LAMA2: variants seen among roughly 807,000 people sequenced by gnomAD.
LAMA2 encodes the protein laminin subunit alpha-2.
Under a neutral mutation model 364.8 loss-of-function variants are expected in LAMA2, and 269 were observed. The observed-to-expected ratio is 0.74, with a 90% CI of 0.67 to 0.82. The LOEUF (loss-of-function observed/expected upper bound fraction) is 0.82, where lower values mean the gene tolerates loss of function less well. LAMA2 is among the 40% of genes least tolerant of loss of function. The pLI is 0.00. For missense variants in LAMA2, 3,807 were observed against 3,873.2 expected, an observed-to-expected ratio of 0.98 and a Z score of 0.45; for synonymous variants, 1,379 against 1,370.6, an observed-to-expected ratio of 1.01 and a Z score of -0.14.
chr6:129,511,514 CAA>C (rs1344662581), intron 62 of LAMA2, among the ~76,000 whole-genome samples: 2 of 152,240 alleles, frequency 1.3e-5, no homozygotes, highest in Admixed American at 6.5e-5. Flanking sequence ...CTCAGTAGAA[CAA>C]AAGTCTTTCA....
At chr6:129,034,854 C>T (rs1162189764) in intron 1 of LAMA2, among the ~76,000 whole-genome samples, 2 of 152,076 alleles carry the variant, frequency 1.3e-5, no homozygotes, top group African/African-American at 2.4e-5. Context: ...TATACCACAC[C>T]ACATTTTCTT....
chr6:129,255,160 C>A (rs945504642), intron 14 of LAMA2, among the ~76,000 whole-genome samples: 1 of 151,836 alleles, frequency 6.6e-6, no homozygotes, highest in Non-Finnish European at 1.5e-5. Context: ...GTAATCCCAG[C>A]AATTTGGGAG....
At chr6:129,120,731 T>C (rs918150609) in intron 4 of LAMA2, among the ~76,000 whole-genome samples, 4 of 152,238 alleles carry the variant, frequency 2.6e-5, no homozygotes, top group African/African-American at 7.2e-5. Context: ...TACATGTCTC[T>C]TCACATTGGG....
chr6:129,248,453 G>A (rs978080267), intron 12 of LAMA2, among the ~76,000 whole-genome samples: 4 of 152,092 alleles, frequency 2.6e-5, no homozygotes, highest in African/African-American at 7.2e-5. Context: ...TTGACAAAAT[G>A]GAAAATTATC....
chr6:129,119,236 G>A (rs1776659780), intron 4 of LAMA2, among the ~76,000 whole-genome samples: 1 of 152,084 alleles, frequency 6.6e-6, no homozygotes, highest in African/African-American at 2.4e-5. Context: ...ATTTGTTTTT[G>A]CACTTATGAG....
At chr6:129,362,342 C>T (rs891553787) in intron 32 of LAMA2, among the ~76,000 whole-genome samples, 61 of 152,252 alleles carry the variant, frequency 4.0e-4, no homozygotes, top group African/African-American at 1.4e-3. Flanking sequence ...GTTCCTCACA[C>T]ATCTGTGAGG....
chr6:129,461,119 A>G (rs1246883764), intron 49 of LAMA2, among the ~76,000 whole-genome samples: 1 of 152,038 alleles, frequency 6.6e-6, no homozygotes, highest in African/African-American at 2.4e-5. Context: ...GCCTAAAGCA[A>G]TTTTGTTAAA....
chr6:129,406,434 G>A (rs1238454624), intron 40 of LAMA2, among the ~76,000 whole-genome samples: 1 of 152,104 alleles, frequency 6.6e-6, no homozygotes, highest in Non-Finnish European at 1.5e-5. Flanking sequence ...TTCTATTGGT[G>A]TCGGGTGAGG....
At chr6:129,143,750 T>C in intron 4 of LAMA2, 151 bp from the exon 5 acceptor site, 1 of 626,420 alleles carries the variant, frequency 1.6e-6, no homozygotes, top group East Asian at 2.7e-5. Flanking sequence ...ATCAGTTACT[T>C]CACTAGATGC....
At chr6:128,894,558 A>T (rs529704985) in intron 1 of LAMA2, among the ~76,000 whole-genome samples, 24 of 152,374 alleles carry the variant, frequency 1.6e-4, no homozygotes, top group African/African-American at 5.0e-4. Context: ...GTATTCCACG[A>T]AAAAAGTGGC....
chr6:129,407,341 A>G (rs1780298901), intron 40 of LAMA2, among the ~76,000 whole-genome samples: 1 of 152,202 alleles, frequency 6.6e-6, no homozygotes, highest in African/African-American at 2.4e-5. Context: ...AATAAAGACA[A>G]TAATAACATC....
Position 129,401,213 on chromosome 6 carries a change from A to C in LAMA2, c.5446-11A>C. 6.6e-7 allele frequency: 1 copy of C among 1,508,770 alleles called. No individual in the cohort carries two copies. Among genetic ancestry groups the C allele is most frequent in the Non-Finnish European group, 9.2e-7 (1 of 1,085,478 alleles). The allele number at this position is 1,508,770 out of a possible 1,614,324, so 93.5% of individuals were successfully genotyped here. A position where few individuals can be genotyped will look rare whatever the true frequency, so the allele number is the denominator to read the frequency against. On this transcript the variant is annotated splice_polypyrimidine_tract_variant and intron_variant, in intron 37 of 64. Coordinates refer to ENST00000421865, the MANE Select transcript of LAMA2 (RefSeq NM_000426.4). ...ATGCAATTTTGATGTCTTGTTCATA[A>C]TGGTCTACAGAAAAAGAAGGAGGCT... is the stretch of plus-strand genomic sequence containing the variant.
intron 1 of LAMA2, among the ~76,000 whole-genome samples, chr6:129,042,134 G>A (rs1431135737): frequency 6.6e-5 from 10 of 151,578 alleles, no homozygotes; most frequent in Non-Finnish European, 1.0e-4. Context: ...GCAAAACCCC[G>A]TCTCTACTAA....
chr6:129,278,623 A>G (rs1788489166), intron 17 of LAMA2, among the ~76,000 whole-genome samples: 1 of 152,190 alleles, frequency 6.6e-6, no homozygotes, highest in South Asian at 2.1e-4. Flanking sequence ...GATGCTTTAT[A>G]AAAGGAGATT....
chr6:129,068,927 T>A (rs1045839030), intron 3 of LAMA2, among the ~76,000 whole-genome samples: 2 of 152,190 alleles, frequency 1.3e-5, no homozygotes, highest in African/African-American at 4.8e-5. Flanking sequence ...ACAATGATGC[T>A]GTTTAAACAA....
intron 3 of LAMA2, among the ~76,000 whole-genome samples, chr6:129,089,303 C>T (rs1021380448): frequency 9.9e-5 from 15 of 152,182 alleles, no homozygotes; most frequent in African/African-American, 3.4e-4. Context: ...TATTAGTCCC[C>T]AAATGCTTTG....
chr6:128,975,427 C>A (rs1379701692), intron 1 of LAMA2, among the ~76,000 whole-genome samples: 1 of 151,846 alleles, frequency 6.6e-6, no homozygotes, highest in African/African-American at 2.4e-5. Context: ...GGGAGGAGGG[C>A]CCTAAATGAG....
intron 20 of LAMA2, among the ~76,000 whole-genome samples, chr6:129,297,051 T>C (rs1773231211): frequency 6.6e-6 from 1 of 152,212 alleles, no homozygotes. Context: ...TAATACGTGT[T>C]CTCACTAATC....
chr6:129,158,935 A>G (rs1779294219), intron 8 of LAMA2: 1 of 1,598,430 alleles, frequency 6.3e-7, no homozygotes, highest in Non-Finnish European at 8.6e-7. Context: ...GCCCTCAGCA[A>G]TAGCACTTGA....
Sources: gnomAD v4.1 joint callset for allele counts (sites outside exome capture counted in the v4.1 genomes callset) on GRCh38, gnomAD v4.1.1 for gene constraint, MANE v1.5 for transcripts, NCBI Gene and HGNC (gene_info 2026-07-23, HGNC 2026-07-21) for gene names.